The following KLHL29 variants were observed in gnomAD, a reference collection of about 807,000 sequenced individuals.
KLHL29 encodes kelch-like protein 29.
Under a neutral mutation model 80.4 loss-of-function variants are expected in KLHL29, and 21 were observed. That is an observed-to-expected ratio of 0.26 (90% CI 0.19 to 0.38). KLHL29 has a LOEUF of 0.38. Ranked by LOEUF, KLHL29 falls within the 10% of genes least tolerant of loss-of-function variation. The probability of loss-of-function intolerance (pLI) is 1.00; values close to 1 mark genes in which losing one functional copy is unlikely to be tolerated. For synonymous variants in KLHL29, 511 were observed against 526.8 expected (o/e 0.97, Z 0.41); for missense variants, 867 against 1,223.9 (o/e 0.71, Z 4.35).
rs1055072584 is a variant in KLHL29 at position 23,470,281 on chromosome 2, G to T, written c.-153-5279G>T. ...TTATTGTGATAGTCTCCAGTATTTT[G>T]CCTGGAAAGTTTCGTACTCCAGAGA... On this transcript the variant is annotated intron_variant, in intron 1 of 13. Coordinates refer to ENST00000486442, the MANE Select transcript of KLHL29 (RefSeq NM_052920.2). 3.9e-5 allele frequency among the ~76,000 whole-genome samples: 6 copies of T among 152,128 alleles called. No homozygotes were observed. The South Asian group carries it at 1.2e-3, about 32-fold the overall frequency.
At chr2:23,396,973 T>C (rs577017158) in intron 1 of KLHL29, among the ~76,000 whole-genome samples, 2 of 151,278 alleles carry the variant, frequency 1.3e-5, no homozygotes, top group South Asian at 4.3e-4. Context: ...GGTCACCACC[T>C]CACTTGTGAC....
At chr2:23,522,081 C>T (rs116472008) in intron 2 of KLHL29, among the ~76,000 whole-genome samples, 300 of 152,266 alleles carry the variant, frequency 2.0e-3, no homozygotes, top group Non-Finnish European at 3.6e-3. Flanking sequence ...AGGAAGCATC[C>T]ATAGGCTATG....
intron 2 of KLHL29, among the ~76,000 whole-genome samples, chr2:23,528,838 G>T (rs189949100): frequency 6.6e-6 from 1 of 152,184 alleles, no homozygotes; most frequent in African/African-American, 2.4e-5. Flanking sequence ...AGCCTGACTC[G>T]CAGTGCTATC....
At position 23,586,651 on chromosome 2, in the gene KLHL29, G is replaced by A. The variant is rs183496439; in HGVS notation, c.285+24170G>A. Among the ~76,000 whole-genome samples, 8 of 152,178 alleles carry A rather than the reference G, an allele frequency of 5.3e-5. No individual in the cohort carries two copies. In the East Asian group the frequency reaches 1.4e-3, roughly 26 times the overall value. On this transcript the variant is annotated intron_variant, in intron 3 of 13. Coordinates refer to ENST00000486442, the MANE Select transcript of KLHL29 (RefSeq NM_052920.2). ...GCTGGGATTACAGGCATGAGCCACC[G>A]CGCCCGGCCAGCGTTACTTTTTAAA...
intron 1 of KLHL29, among the ~76,000 whole-genome samples, chr2:23,464,507 T>C (rs1572337532): frequency 6.6e-6 from 1 of 152,234 alleles, no homozygotes; most frequent in East Asian, 1.9e-4. Flanking sequence ...TGGAGCAATC[T>C]GTGTTGACTT....
At chr2:23,699,545 G>A (rs1022995239) in intron 11 of KLHL29, among the ~76,000 whole-genome samples, 1 of 152,182 alleles carries the variant, frequency 6.6e-6, no homozygotes, top group Admixed American at 6.5e-5. Context: ...TGAACCCCAA[G>A]TCTGCTTTTC....
intron 5 of KLHL29, among the ~76,000 whole-genome samples, chr2:23,645,196 A>C (rs933597853): frequency 1.3e-5 from 2 of 152,200 alleles, no homozygotes; most frequent in African/African-American, 4.8e-5. Flanking sequence ...TTTGTCTGTC[A>C]GATCTAATGT....
chr2:23,456,847 T>C (rs1403767282), intron 1 of KLHL29, among the ~76,000 whole-genome samples: 1 of 152,160 alleles, frequency 6.6e-6, no homozygotes, highest in East Asian at 1.9e-4. Context: ...GGGCTGGCAA[T>C]AGATGCTGTC....
chr2:23,397,464 G>A (rs969642702), intron 1 of KLHL29, among the ~76,000 whole-genome samples: 4 of 152,270 alleles, frequency 2.6e-5, no homozygotes, highest in East Asian at 1.9e-4. Context: ...GTCACAATTT[G>A]ACAGCTGTAA....
intron 1 of KLHL29, among the ~76,000 whole-genome samples, chr2:23,387,045 G>GCCGCCGCTGCCATCC (rs1312974327): frequency 6.6e-6 from 1 of 151,990 alleles, no homozygotes; most frequent in Non-Finnish European, 1.5e-5. Flanking sequence ...AGCTGCCGCC[G>GCCGCCGCTGCCATCC]CCGCCGCTGC....
intron 2 of KLHL29, among the ~76,000 whole-genome samples, chr2:23,526,649 G>A (rs1572379050): frequency 6.6e-6 from 1 of 152,186 alleles, no homozygotes; most frequent in Admixed American, 6.5e-5. Flanking sequence ...AGCAGCCGTG[G>A]GTCCAGAGCA....
chr2:23,419,360 C>A (rs886832672), intron 1 of KLHL29, among the ~76,000 whole-genome samples: 1 of 152,074 alleles, frequency 6.6e-6, no homozygotes. Context: ...TCTGTCCTGG[C>A]GCTCCCCAGG....
chr2:23,702,777 G>A (rs1344295799), intron 11 of KLHL29, among the ~76,000 whole-genome samples: 1 of 152,208 alleles, frequency 6.6e-6, no homozygotes, highest in Admixed American at 6.5e-5. Context: ...CACCTCGAGG[G>A]CAGGAATGGT....
intron 2 of KLHL29, among the ~76,000 whole-genome samples, chr2:23,490,603 A>T (rs900195186): frequency 1.3e-5 from 2 of 152,338 alleles, no homozygotes; most frequent in South Asian, 2.1e-4. Flanking sequence ...CCATGGGGGA[A>T]AAAACCCACC....
chr2:23,443,819 A>G (rs948849532), intron 1 of KLHL29, among the ~76,000 whole-genome samples: 5 of 152,336 alleles, frequency 3.3e-5, no homozygotes, highest in Non-Finnish European at 7.4e-5. Flanking sequence ...TTGTGAAGGT[A>G]GATTTTTTTC....
At chr2:23,548,333 ACACACACACAGGCACACAGG>A (rs1415677575) in intron 2 of KLHL29, among the ~76,000 whole-genome samples, 5 of 149,396 alleles carry the variant, frequency 3.3e-5, no homozygotes, top group Non-Finnish European at 5.9e-5. Context: ...AAGCACACAG[ACACACACACAGGCACACAGG>A]CACACACACA....
intron 3 of KLHL29, among the ~76,000 whole-genome samples, chr2:23,592,649 C>A (rs532879874): frequency 1.3e-5 from 2 of 152,368 alleles, no homozygotes; most frequent in African/African-American, 4.8e-5. Context: ...AATCCATCCT[C>A]TTTCCATAGT....
chr2:23,593,065 G>A lies in KLHL29; in HGVS notation c.285+30584G>A, dbSNP rs562156321. 8.5e-5 allele frequency among the ~76,000 whole-genome samples: 13 copies of A among 152,294 alleles called. No individual in the cohort carries two copies. In the East Asian group the frequency reaches 2.3e-3, roughly 27 times the overall value. On this transcript the variant is annotated intron_variant, in intron 3 of 13. Coordinates refer to ENST00000486442, the MANE Select transcript of KLHL29 (RefSeq NM_052920.2). ...GCAAGCAGGAGCGGGTGGGGATATTGAGGTCCTAGATAAGTTGAAGTAGAC... is the reference window on the plus strand; with the variant it reads ...GCAAGCAGGAGCGGGTGGGGATATTAAGGTCCTAGATAAGTTGAAGTAGAC...
Position 23,412,133 on chromosome 2 carries a change from G to C in KLHL29, c.-154+26353G>C, listed in dbSNP as rs947154023. Among the ~76,000 whole-genome samples the C allele has an allele frequency of 4.1e-5, 6 of 145,310 alleles. 1 individual carries two copies. The highest frequency in any genetic ancestry group is 1.0e-4 in the African/African-American group (4 of 39,164). ...ATGTGTGTGCGTGAAGGGGGGGGGG[G>C]GGCGGTGCGGTAGAGGTAGGATGGA... On this transcript the variant is annotated intron_variant, in intron 1 of 13. Coordinates refer to ENST00000486442, the MANE Select transcript of KLHL29 (RefSeq NM_052920.2).
Sources: gnomAD v4.1 joint callset for allele counts (sites outside exome capture counted in the v4.1 genomes callset) on GRCh38, gnomAD v4.1.1 for gene constraint, MANE v1.5 for transcripts, NCBI Gene and HGNC (gene_info 2026-07-23, HGNC 2026-07-21) for gene names.